NAT9: variants seen among roughly 807,000 people sequenced by gnomAD.
NAT9 encodes the protein N-acetyltransferase 9, also known as alpha/beta-tubulin-N-acetyltransferase 9.
In NAT9, 18 loss-of-function variants were observed where a neutral mutation model predicts 24.0. That is an observed-to-expected ratio of 0.75 (90% CI 0.52 to 1.11). The LOEUF is 1.11. Among genes scored for constraint, NAT9 ranks in the 50% most tolerant of loss-of-function variants. The pLI is 0.00. For missense variants in NAT9, 254 were observed against 258.6 expected, an observed-to-expected ratio of 0.98 and a Z score of 0.12; for synonymous variants, 104 against 102.3, an observed-to-expected ratio of 1.02 and a Z score of -0.10.
rs1237302792 is a variant in NAT9 at position 74,771,421 on chromosome 17, C to A, written c.*303G>T. 8 of 469,472 alleles carry A rather than the reference C, an allele frequency of 1.7e-5. No individual in the cohort carries two copies. Among genetic ancestry groups the A allele is most frequent in the Non-Finnish European group, 2.7e-5 (7 of 256,780 alleles). 29.1% of individuals were successfully genotyped at this position (469,472 alleles called of 1,614,324 possible). A position where few individuals can be genotyped will look rare whatever the true frequency, so the allele number is the denominator to read the frequency against. On this transcript the variant is annotated 3_prime_UTR_variant, in exon 7 of 7. Transcript: ENST00000357814. Reference sequence around the variant, plus strand: ...CATCCATGTTCCAGGTCCCCCTGCACCTCCAGCTCCCACCTTCATCCCGAC... The same window carrying A: ...CATCCATGTTCCAGGTCCCCCTGCAACTCCAGCTCCCACCTTCATCCCGAC...
At position 74,771,797 on chromosome 17, in the gene NAT9, T is replaced by TGCTCG. The variant is rs1412905415; in HGVS notation, c.546_550dup (p.His184ProfsTer171). 1.9e-6 allele frequency: 3 copies of TGCTCG among 1,614,078 alleles called. No homozygotes were observed. The Admixed American group carries it at 5.0e-5, about 27-fold the overall frequency. ...GCTGGTCTGCTCCAGAAGCCACTGA[T>TGCTCG]GCTCGGACTCACTCACTGTCAGTCT... On this transcript the variant is annotated frameshift_variant, in exon 7 of 7. Coordinates refer to ENST00000357814, the MANE Select transcript of NAT9 (RefSeq NM_015654.5). LOFTEE classifies it high-confidence loss of function.
chr17:74,773,321 A>G (rs571718107), intron 3 of NAT9: 20 of 589,960 alleles, frequency 3.4e-5, no homozygotes, highest in Non-Finnish European at 4.5e-5. Flanking sequence ...CAGGGCCTCA[A>G]TTTACAGCCA....
chr17:74,771,867 GC>G lies in NAT9; in HGVS notation c.490-10del. 6.2e-7 allele frequency: 1 copy of G among 1,614,236 alleles called. No homozygotes were observed. Among genetic ancestry groups the G allele is most frequent in the South Asian group, 1.1e-5 (1 of 91,088 alleles). Reference sequence around the variant, plus strand: ...ACACTGCTCGTAGCCACCTACGTGAGCCAGAGAGAACAAAGCCTGCTAAGTT... The same window carrying G: ...ACACTGCTCGTAGCCACCTACGTGAGCAGAGAGAACAAAGCCTGCTAAGTT... On this transcript the variant is annotated splice_polypyrimidine_tract_variant and intron_variant, in intron 6 of 6. Transcript: ENST00000357814.
At chr17:74,774,304 T>C (rs2035651470) in intron 2 of NAT9, among the ~76,000 whole-genome samples, 1 of 152,190 alleles carries the variant, frequency 6.6e-6, no homozygotes, top group African/African-American at 2.4e-5. Context: ...CTTCCACGTT[T>C]AGTTTACATA....
chr17:74,771,512 GGGA>G lies in NAT9; in HGVS notation c.*209_*211del. ...GTCTGGGTCTGGGTTTGGCCGGGAGGGGAGAAGGGAACTGGCCCTGGCCCTGGA... is the reference window on the plus strand; with the variant it reads ...GTCTGGGTCTGGGTTTGGCCGGGAGGGAAGGGAACTGGCCCTGGCCCTGGA... On this transcript the variant is annotated 3_prime_UTR_variant, in exon 7 of 7. Coordinates refer to ENST00000357814, the MANE Select transcript of NAT9 (RefSeq NM_015654.5). 2 of 719,654 alleles carry G rather than the reference GGGA, an allele frequency of 2.8e-6. No homozygotes were observed. Among genetic ancestry groups the G allele is most frequent in the East Asian group, 5.5e-5 (2 of 36,348 alleles). The allele number at this position is 719,654 out of a possible 1,614,324, so 44.6% of individuals were successfully genotyped here. A position where few individuals can be genotyped will look rare whatever the true frequency, so the allele number is the denominator to read the frequency against.
intron 2 of NAT9, among the ~76,000 whole-genome samples, chr17:74,775,010 C>A (rs1001636969): frequency 3.9e-5 from 6 of 151,920 alleles, no homozygotes; most frequent in South Asian, 2.1e-4. Flanking sequence ...TGCCGGGCAA[C>A]AAGCCCAGCT....
rs1205645958 is a variant in NAT9 at position 74,773,657 on chromosome 17, G to C, written c.109C>G (p.Leu37Val). 2 of 1,614,116 alleles carry C rather than the reference G, an allele frequency of 1.2e-6. No homozygotes were observed. The highest frequency in any genetic ancestry group is 1.7e-6 in the Non-Finnish European group (2 of 1,180,014). The change falls in exon 3 of 7, where the codon CTG becomes GTG. Residue 37 changes from leucine (L) to valine (V), a missense_variant. Physicochemically the swap from Leu to Val is conservative, Grantham distance 32. Coordinates refer to ENST00000357814, the MANE Select transcript of NAT9 (RefSeq NM_015654.5). ...GGCTCCGAGGCTGTCAAACGCTGCA[G>C]CTCCTCTGATTTCATCCACTCGTGG... The part of the protein sequence containing the change: ...RYHEWMKSEE[L>V]QRLTASEPLT...
At chr17:74,775,949 T>C (rs776861522) in intron 1 of NAT9, 1 of 441,144 alleles carries the variant, frequency 2.3e-6, no homozygotes, top group South Asian at 3.8e-5. Flanking sequence ...TGCCGGTTCC[T>C]TCCGTCCACT....
intron 5 of NAT9, 46 bp downstream of exon 5, chr17:74,772,172 C>G: frequency 6.2e-7 from 1 of 1,614,144 alleles, no homozygotes; most frequent in Non-Finnish European, 8.5e-7. Flanking sequence ...ACAAAGTTCA[C>G]CTGGGGCCTG....
Position 74,773,598 on chromosome 17 carries a change from G to A in NAT9, c.168C>T (p.Cys56=), listed in dbSNP as rs768976254. The part of the protein sequence containing the change: ...LTLEQEYAMQ[C]SWQEDADKCT... ...CACTGTCTGCATCTTCCTGCCAGCTGCACTGCATGGCATACTCCTGCTCCA... is the reference window on the plus strand; with the variant it reads ...CACTGTCTGCATCTTCCTGCCAGCTACACTGCATGGCATACTCCTGCTCCA... The change falls in exon 3 of 7, where the codon TGC becomes TGT. Residue 56 remains cysteine, a synonymous_variant. Coordinates refer to ENST00000357814, the MANE Select transcript of NAT9 (RefSeq NM_015654.5). The A allele has an allele frequency of 3.1e-6, 5 of 1,613,910 alleles. No individual in the cohort carries two copies. The highest frequency in any genetic ancestry group is 4.2e-6 in the Non-Finnish European group (5 of 1,179,986).
chr17:74,772,093 C>A, intron 5 of NAT9, 39 bp from the exon 6 acceptor site: 3 of 1,614,054 alleles, frequency 1.9e-6, no homozygotes, highest in Non-Finnish European at 1.7e-6. Context: ...TAAGGAGGCG[C>A]CTGCCCCCAC....
intron 3 of NAT9, 104 bp downstream of exon 3, chr17:74,773,472 A>G: frequency 9.7e-7 from 1 of 1,034,818 alleles, no homozygotes; most frequent in East Asian, 2.4e-5. Context: ...GCTTTTCACA[A>G]AGCTTCTATG....
In NAT9 at chr17:74,775,627, C is replaced by T. The variant is rs4788850; in HGVS notation, c.72G>A (p.Val24=). 4 of 1,613,626 alleles carry T rather than the reference C, an allele frequency of 2.5e-6. No individual in the cohort carries two copies. The Admixed American group carries it at 6.7e-5, about 27-fold the overall frequency. ...VVLVPYTSEH[V]PSRYHEWMKS... ...ATGTCAAGCGGGAAAGATACCTGGG[C>T]ACATGCTCCGAGGTGTAGGGTACAA... Residue 24 remains valine, a synonymous_variant, in exon 2 of 7, where the codon GTG becomes GTA. Coordinates refer to ENST00000357814, the MANE Select transcript of NAT9 (RefSeq NM_015654.5).
At chr17:74,773,182 G>C in intron 3 of NAT9, 143 bp from the exon 4 acceptor site, 2 of 1,079,624 alleles carry the variant, frequency 1.9e-6, no homozygotes, top group South Asian at 3.3e-5. Context: ...GCTTCCTTCA[G>C]CTCATTACAA....
At chr17:74,771,910 C>A in intron 6 of NAT9, 50 bp downstream of exon 6, 1 of 1,614,222 alleles carries the variant, frequency 6.2e-7, no homozygotes, top group Non-Finnish European at 8.5e-7. Context: ...TTACCACCAC[C>A]AGGCCCACCA....
At chr17:74,773,879 G>C (rs891503534) in intron 2 of NAT9, 191 bp from the exon 3 acceptor site, 3 of 560,446 alleles carry the variant, frequency 5.4e-6, no homozygotes, top group Admixed American at 2.9e-5. Context: ...AGAACAGCAG[G>C]ACGAGTCAGT....
chr17:74,773,587 TC>T lies in NAT9; in HGVS notation c.178del (p.Glu60LysfsTer32). ...QEYAMQCSWQ[E>X]DADKCTFIVL... is the part of the protein sequence containing the mutation. ...GGGGCACTCCTCACTGTCTGCATCTTCCTGCCAGCTGCACTGCATGGCATAC... is the reference window on the plus strand; with the variant it reads ...GGGGCACTCCTCACTGTCTGCATCTTCTGCCAGCTGCACTGCATGGCATAC... On this transcript the variant is annotated frameshift_variant, in exon 3 of 7. Transcript: ENST00000357814. LOFTEE classifies it high-confidence loss of function. 1 of 1,613,966 alleles carries T rather than the reference TC, an allele frequency of 6.2e-7. No homozygotes were observed. Among genetic ancestry groups the T allele is most frequent in the Non-Finnish European group, 8.5e-7 (1 of 1,179,962 alleles).
At chr17:74,775,316 T>A in intron 2 of NAT9, 1 of 237,950 alleles carries the variant, frequency 4.2e-6, no homozygotes, top group Non-Finnish European at 8.2e-6. Context: ...GCCTCCCTAG[T>A]AGCTGGGACT....
chr17:74,772,032 G>A lies in NAT9; in HGVS notation c.417C>T (p.Thr139=). The change falls in exon 6 of 7, where the codon ACC becomes ACT. Residue 139 remains threonine, a synonymous_variant. Transcript: ENST00000357814. ...CTTGCCCAATTTTAGCCTCAAACTT[G>A]GTCAGACCTAGCGTGGTCACTCCTC... is the stretch of plus-strand genomic sequence containing the variant. ...LSYGVTTLGL[T]KFEAKIGQGN... 6.2e-7 allele frequency: 1 copy of A among 1,614,186 alleles called. No homozygotes were observed. The highest frequency in any genetic ancestry group is 8.5e-7 in the Non-Finnish European group (1 of 1,180,032).
Sources: gnomAD v4.1 joint callset for allele counts (sites outside exome capture counted in the v4.1 genomes callset) on GRCh38, gnomAD v4.1.1 for gene constraint, MANE v1.5 for transcripts, NCBI Gene and HGNC (gene_info 2026-07-23, HGNC 2026-07-21) for gene names.